Variants in USP50 observed in about 807,000 individuals in gnomAD.
The protein encoded by USP50 is ubiquitin specific peptidase 50, also known as ubiquitin carboxyl-terminal hydrolase 50.
In USP50, 37 loss-of-function variants were observed where a neutral mutation model predicts 39.2. The observed-to-expected ratio is 0.94, with a 90% CI of 0.73 to 1.24. USP50 has a LOEUF of 1.24. Among genes scored for constraint, USP50 ranks in the 50% most tolerant of loss-of-function variants. USP50 has a pLI of 0.00. For synonymous variants in USP50, 139 were observed against 144.5 expected, an observed-to-expected ratio of 0.96 and a Z score of 0.27; for missense variants, 374 against 398.2, an observed-to-expected ratio of 0.94 and a Z score of 0.52.
intron 1 of USP50, among the ~76,000 whole-genome samples, chr15:50,495,228 TTG>T (rs147661253): frequency 9.6e-6 from 1 of 104,498 alleles, no homozygotes; most frequent in African/African-American, 2.9e-5. Context: ...ACAAAAATAT[TTG>T]TGTATATATA....
At chr15:50,494,241 T>G (rs1595987733) in intron 1 of USP50, 1 of 1,612,566 alleles carries the variant, frequency 6.2e-7, no homozygotes, top group East Asian at 2.2e-5. Context: ...AAGAATTGCT[T>G]CTGTTCCTAA....
downstream of USP50, chr15:50,496,967 C>G: frequency 2.3e-6 from 3 of 1,281,508 alleles, no homozygotes; most frequent in Non-Finnish European, 3.2e-6. Context: ...AAGGCAGGAA[C>G]TCTTTTGTGT....
chr15:50,500,422 G>A (rs140254205), downstream of USP50: 26 of 190,350 alleles, frequency 1.4e-4, no homozygotes, highest in East Asian at 2.9e-3. Context: ...GTGTTTTGAA[G>A]GCCTGCATCC....
chr15:50,498,602 C>T (rs1421852025), downstream of USP50: 1 of 1,605,888 alleles, frequency 6.2e-7, no homozygotes, highest in African/African-American at 1.3e-5. Flanking sequence ...GCAGTTTTTC[C>T]TACGATGGCA....
chr15:50,527,927 A>T (rs573910333), intron 6 of USP50, among the ~76,000 whole-genome samples: 1 of 152,008 alleles, frequency 6.6e-6, no homozygotes, highest in Non-Finnish European at 1.5e-5. Flanking sequence ...GTGAGCCACC[A>T]TGCTCAACCT....
chr15:50,500,008 G>A (rs2052552530), downstream of USP50: 1 of 152,154 alleles, frequency 6.6e-6, no homozygotes, highest in South Asian at 2.1e-4. Flanking sequence ...ACAGAGTGAT[G>A]TATTAAGAGG....
At chr15:50,540,964 C>A (rs1298668207) in intron 4 of USP50, 85 bp downstream of exon 4, 15 of 1,047,450 alleles carry the variant, frequency 1.4e-5, no homozygotes, top group Non-Finnish European at 2.0e-5. Context: ...GTCTCTCATA[C>A]TAAACAAATG....
At chr15:50,539,268 C>G (rs1395108400) in intron 4 of USP50, among the ~76,000 whole-genome samples, 1 of 151,528 alleles carries the variant, frequency 6.6e-6, no homozygotes, top group Non-Finnish European at 1.5e-5. Flanking sequence ...ACCACCAAGC[C>G]CAGCTAATCT....
At chr15:50,517,405 G>C (rs1041210944) in intron 6 of USP50, among the ~76,000 whole-genome samples, 9 of 151,592 alleles carry the variant, frequency 5.9e-5, no homozygotes, top group African/African-American at 1.9e-4. Context: ...CTGGGAGGCA[G>C]AAGTTATGGT....
At chr15:50,537,517 CT>C (rs2052988912) in intron 5 of USP50, among the ~76,000 whole-genome samples, 1 of 143,896 alleles carries the variant, frequency 6.9e-6, no homozygotes, top group African/African-American at 2.6e-5. Context: ...AAGCCATGGA[CT>C]AAAAAAAAAA....
intron 5 of USP50, among the ~76,000 whole-genome samples, chr15:50,534,143 T>C (rs2052962551): frequency 6.6e-6 from 1 of 152,186 alleles, no homozygotes; most frequent in South Asian, 2.1e-4. Flanking sequence ...TTAATAACAG[T>C]TTATTCAAAA....
intron 6 of USP50, chr15:50,512,349 A>C (rs2052749591): frequency 6.6e-6 from 1 of 151,220 alleles, no homozygotes; most frequent in Admixed American, 6.6e-5. Context: ...ATAGCGAGAG[A>C]TCGAGAGAGA....
At chr15:50,502,817 T>A (rs2052610469) in intron 6 of USP50, 2 of 152,290 alleles carry the variant, frequency 1.3e-5, no homozygotes, top group African/African-American at 4.8e-5. Flanking sequence ...ATCTGACTAG[T>A]TAATTCCAAC....
rs76487071 is a variant in USP50 at position 50,531,333 on chromosome 15, G to A, written c.804-1404C>T. 8.3e-3 allele frequency among the ~76,000 whole-genome samples: 1,268 copies of A among 152,194 alleles called. 8 individuals carry two copies. The highest frequency in any genetic ancestry group is 0.013 in the Non-Finnish European group (915 of 68,004). Reference sequence around the variant, plus strand: ...ACAACCCAAACGTCCATCAACTGGTGGAGACATAAGCAACTATGGTACACT... The same window carrying A: ...ACAACCCAAACGTCCATCAACTGGTAGAGACATAAGCAACTATGGTACACT... On this transcript the variant is annotated intron_variant, in intron 5 of 6. Coordinates refer to ENST00000532404, the MANE Select transcript of USP50 (RefSeq NM_203494.5).
chr15:50,531,093 G>T (rs2052936950), intron 5 of USP50, among the ~76,000 whole-genome samples: 1 of 152,008 alleles, frequency 6.6e-6, no homozygotes, highest in Non-Finnish European at 1.5e-5. Context: ...TGGAAAAATG[G>T]CTGATGGAGG....
intron 6 of USP50, chr15:50,509,211 G>A (rs2052706305): frequency 1.3e-5 from 2 of 151,266 alleles, no homozygotes; most frequent in African/African-American, 4.9e-5. Flanking sequence ...CATCTACTTG[G>A]GAGGCTGAGG....
At chr15:50,540,582 TA>T (rs917413041) in intron 4 of USP50, among the ~76,000 whole-genome samples, 5 of 151,302 alleles carry the variant, frequency 3.3e-5, no homozygotes, top group African/African-American at 4.8e-5. Flanking sequence ...TATGTCCCTA[TA>T]AAAAAAAATA....
At chr15:50,495,162 G>A (rs2141324618) in intron 1 of USP50, among the ~76,000 whole-genome samples, 1 of 151,142 alleles carries the variant, frequency 6.6e-6, no homozygotes, top group East Asian at 1.9e-4. Context: ...CACATATTTT[G>A]GGGTCACCAT....
chr15:50,543,191 C>A (rs942201526), intron 3 of USP50, among the ~76,000 whole-genome samples: 1 of 152,090 alleles, frequency 6.6e-6, no homozygotes, highest in African/African-American at 2.4e-5. Context: ...AAAATTTAAG[C>A]TATAAAGTTC....
Sources: allele counts gnomAD v4.1 joint callset (sites outside exome capture counted in the v4.1 genomes callset), GRCh38; gene constraint gnomAD v4.1.1; transcripts MANE v1.5; gene names NCBI Gene and HGNC (gene_info 2026-07-23, HGNC 2026-07-21).